LPA: variants seen among roughly 807,000 people sequenced by gnomAD.
LPA encodes the protein apolipoprotein(a).
In LPA, 199 loss-of-function variants were observed where a neutral mutation model predicts 197.9. That is an observed-to-expected ratio of 1.01 (90% CI 0.90 to 1.13). The LOEUF is 1.13. LPA is among the 50% of genes most tolerant of loss of function. The pLI is 0.00. For missense variants in LPA, 1,853 were observed against 1,785.8 expected (o/e 1.04, Z -0.68); for synonymous variants, 715 against 639.5 (o/e 1.12, Z -1.78).
intron 22 of LPA, among the ~76,000 whole-genome samples, chr6:160,592,866 C>G (rs1197412185): frequency 6.6e-6 from 1 of 152,180 alleles, no homozygotes; most frequent in Non-Finnish European, 1.5e-5. Context: ...TGAGGTGTCT[C>G]TCCTCTGAGT....
chr6:160,611,207 G>A (rs1779504042), intron 16 of LPA, among the ~76,000 whole-genome samples: 1 of 152,098 alleles, frequency 6.6e-6, no homozygotes, highest in Non-Finnish European at 1.5e-5. Context: ...CTTCCCTTCA[G>A]GAATTGGAAG....
At chr6:160,600,322 T>C (rs1779213819) in intron 19 of LPA, among the ~76,000 whole-genome samples, 1 of 151,986 alleles carries the variant, frequency 6.6e-6, no homozygotes, top group Admixed American at 6.6e-5. Flanking sequence ...AGGTACAAGT[T>C]CCATCAGAAA....
At chr6:160,589,422 C>G (rs1016452591) in intron 24 of LPA, 131 bp downstream of exon 24, 25 of 1,084,118 alleles carry the variant, frequency 2.3e-5, no homozygotes, top group Middle Eastern at 2.9e-4. Context: ...AAGCAAGAAG[C>G]CTGAGACATT....
rs761421000 is a variant in LPA at position 160,542,722 on chromosome 6, G to A, written c.5485C>T (p.His1829Tyr). ...SIVGGCVAHP[H>Y]SWPWQVSLRT... ...AGACTGACTTGCCAGGGCCAGGAAT[G>A]TGGGTGGGCCACACACCCCCCTACA... Residue 1829 changes from histidine to tyrosine, a missense_variant, in exon 34 of 39, where the codon CAT becomes TAT. By Grantham distance (83) the His-to-Tyr change is moderately conservative (BLOSUM62 2). Coordinates refer to ENST00000316300, the MANE Select transcript of LPA (RefSeq NM_005577.4). 3.1e-6 allele frequency: 5 copies of A among 1,613,896 alleles called. No homozygotes were observed. Among genetic ancestry groups the A allele is most frequent in the Non-Finnish European group, 4.2e-6 (5 of 1,179,996 alleles).
At chr6:160,548,130 T>C (rs1240929957) in intron 31 of LPA, among the ~76,000 whole-genome samples, 193 bp from the exon 32 acceptor site, 1 of 152,144 alleles carries the variant, frequency 6.6e-6, no homozygotes, top group Middle Eastern at 3.2e-3. Flanking sequence ...GAAATGCTTA[T>C]TGGCTTGGAA....
intron 28 of LPA, among the ~76,000 whole-genome samples, chr6:160,558,087 T>C (rs1228191382): frequency 2.6e-5 from 4 of 151,932 alleles, no homozygotes; most frequent in Admixed American, 2.0e-4. Flanking sequence ...GCCTGGCTAA[T>C]TTTTTGTATT....
intron 20 of LPA, among the ~76,000 whole-genome samples, chr6:160,597,446 A>G (rs1400975853): frequency 6.6e-6 from 1 of 152,200 alleles, no homozygotes; most frequent in African/African-American, 2.4e-5. Flanking sequence ...TGGCTCTAGG[A>G]TTCACACCTG....
At chr6:160,637,563 G>C (rs9347432) in intron 6 of LPA, among the ~76,000 whole-genome samples, 13,263 of 85,672 alleles carry the variant, frequency 0.15, no homozygotes, top group East Asian at 0.27. Context: ...GTGTGTGTGT[G>C]TGTGTGTAGC....
chr6:160,580,976 A>AT (rs1320119691), intron 26 of LPA, among the ~76,000 whole-genome samples: 2 of 151,966 alleles, frequency 1.3e-5, no homozygotes, highest in Non-Finnish European at 2.9e-5. Context: ...CCCTCAAAAA[A>AT]TTTTTCCTTC....
intron 16 of LPA, among the ~76,000 whole-genome samples, chr6:160,608,849 G>C (rs1465327214): frequency 6.6e-6 from 1 of 150,484 alleles, no homozygotes; most frequent in Admixed American, 6.7e-5. Context: ...GTGTGAACTT[G>C]TGAGTTTTTG....
intron 28 of LPA, among the ~76,000 whole-genome samples, chr6:160,576,417 G>T (rs9355294): frequency 0.068 from 1,520 of 22,224 alleles, 31 homozygotes; most frequent in African/African-American, 0.22. Flanking sequence ...TATATATATG[G>T]GTATATATAT....
At position 160,547,879 on chromosome 6, in the gene LPA, C is replaced by G. The variant is rs908387657; in HGVS notation, c.5214G>C (p.Gly1738=). The change falls in exon 32 of 39, where the codon GGG becomes GGC. Residue 1738 remains glycine (G), a synonymous_variant. Coordinates refer to ENST00000316300, the MANE Select transcript of LPA (RefSeq NM_005577.4). ...YRGKKATTVT[G]TPCQEWAAQE... ...GGGCAGCCCATTCCTGGCATGGCGT[C>G]CCAGTAACAGTGGTTGCCTTCTTGC... 8.1e-6 allele frequency: 13 copies of G among 1,614,070 alleles called. No individual in the cohort carries two copies. Among genetic ancestry groups the G allele is most frequent in the Non-Finnish European group, 1.0e-5 (12 of 1,179,998 alleles).
chr6:160,635,866 C>A (rs1779808068), intron 6 of LPA, among the ~76,000 whole-genome samples: 1 of 84,468 alleles, frequency 1.2e-5, no homozygotes, highest in African/African-American at 6.3e-5. Context: ...TCTACCTTTC[C>A]CACAGAAAAG....
chr6:160,657,397 A>C lies in LPA; in HGVS notation c.49+6769T>G, dbSNP rs780312961. 2.7e-3 allele frequency among the ~76,000 whole-genome samples: 295 copies of C among 107,808 alleles called. 2 individuals carry two copies. Among genetic ancestry groups the C allele is most frequent in the Non-Finnish European group, 3.2e-3 (175 of 55,358 alleles). The allele number at this position is 107,808 out of a possible 152,430, so 70.7% of individuals were successfully genotyped here. ...CTAACCAAGCAAATAAACTATTATA[A>C]CTTTTTTTTTTTTTTTTTTGGAAAT... On this transcript the variant is annotated intron_variant, in intron 1 of 38. Coordinates refer to ENST00000316300, the MANE Select transcript of LPA (RefSeq NM_005577.4).
At chr6:160,551,519 A>G (rs116696043) in intron 30 of LPA, among the ~76,000 whole-genome samples, 89 of 152,326 alleles carry the variant, frequency 5.8e-4, no homozygotes, top group African/African-American at 2.0e-3. Context: ...GACTTTTGGT[A>G]AGCATGAGTT....
intron 20 of LPA, among the ~76,000 whole-genome samples, chr6:160,596,812 A>C (rs955123385): frequency 6.6e-6 from 1 of 152,178 alleles, no homozygotes; most frequent in African/African-American, 2.4e-5. Flanking sequence ...GTTTTTCCCT[A>C]AGAGCATCTA....
At chr6:160,547,700 G>A in intron 32 of LPA, 89 bp downstream of exon 32, 5 of 1,577,528 alleles carry the variant, frequency 3.2e-6, no homozygotes, top group Non-Finnish European at 8.7e-7. Context: ...TTAGCCTCCT[G>A]AAGTCTTTCC....
intron 33 of LPA, among the ~76,000 whole-genome samples, chr6:160,544,468 C>T (rs911555471): frequency 6.6e-6 from 1 of 152,120 alleles, no homozygotes; most frequent in Non-Finnish European, 1.5e-5. Flanking sequence ...TTCCTATCAC[C>T]CTAACCTCTC....
At chr6:160,588,784 T>A (rs148400847) in intron 24 of LPA, among the ~76,000 whole-genome samples, 16 of 152,260 alleles carry the variant, frequency 1.1e-4, no homozygotes, top group African/African-American at 3.4e-4. Context: ...TGTCCTTCAA[T>A]CCAACACTGT....
Sources: allele counts gnomAD v4.1 joint callset (sites outside exome capture counted in the v4.1 genomes callset), GRCh38; gene constraint gnomAD v4.1.1; transcripts MANE v1.5; gene names NCBI Gene and HGNC (gene_info 2026-07-23, HGNC 2026-07-21).